The following ZNF197 variants were observed in gnomAD, a reference collection of about 807,000 sequenced individuals.
ZNF197 encodes VHL-associated KRAB-A domain-containing protein.
Under a neutral mutation model 27.4 loss-of-function variants are expected in ZNF197, and 14 were observed. That is an observed-to-expected ratio of 0.51 (90% CI 0.34 to 0.80). The LOEUF (loss-of-function observed/expected upper bound fraction) is 0.80, where lower values mean the gene tolerates loss of function less well. Ranked by LOEUF, ZNF197 falls within the 30% of genes least tolerant of loss-of-function variation. The pLI, the probability that ZNF197 is intolerant of heterozygous loss-of-function variation, is 0.02. For synonymous variants in ZNF197, 415 were observed against 420.0 expected (o/e 0.99, Z 0.15); for missense variants, 1,090 against 1,222.6 (o/e 0.89, Z 1.62).
Position 44,647,239 on chromosome 3 carries a change from G to A in ZNF197, c.*3019G>A. Reference sequence around the variant, plus strand: ...GATGTTCAACATCATTAGGCATGAGGGAAATGCAGAGTAAAATCGTGAGAT... The same window carrying A: ...GATGTTCAACATCATTAGGCATGAGAGAAATGCAGAGTAAAATCGTGAGAT... On this transcript the variant is annotated 3_prime_UTR_variant, in exon 6 of 6. Transcript: ENST00000344387. The A allele has an allele frequency of 6.6e-6, 1 of 151,572 alleles. No homozygotes were observed. The highest frequency in any genetic ancestry group is 6.6e-5 in the Admixed American group (1 of 15,202). 9.4% of individuals were successfully genotyped at this position (151,572 alleles called of 1,614,324 possible).
At position 44,645,836 on chromosome 3, in the gene ZNF197, G is replaced by A. The variant is rs541777694; in HGVS notation, c.*1616G>A. 10 of 985,420 alleles carry A rather than the reference G, an allele frequency of 1.0e-5. No homozygotes were observed. In the African/African-American group the frequency reaches 1.6e-4, roughly 15 times the overall value. 61.0% of individuals were successfully genotyped at this position (985,420 alleles called of 1,614,324 possible). ...CAGAATCCACTTGTGGGCAGTCAGT[G>A]CCCATTACCCCCTGTGAACCATTCT... On this transcript the variant is annotated 3_prime_UTR_variant, in exon 6 of 6. Coordinates refer to ENST00000344387, the MANE Select transcript of ZNF197 (RefSeq NM_006991.5).
At chr3:44,630,673 A>ATAAGTAGAT (rs994059720) in intron 2 of ZNF197, 3 of 355,330 alleles carry the variant, frequency 8.4e-6, no homozygotes, top group Non-Finnish European at 1.7e-5. Context: ...ACAAAGGGCT[A>ATAAGTAGAT]GGTAAAGGGG....
chr3:44,631,014 C>G (rs1559463634), intron 2 of ZNF197, 48 bp from the exon 3 acceptor site: 7 of 1,612,670 alleles, frequency 4.3e-6, no homozygotes, highest in Non-Finnish European at 5.9e-6. Context: ...TAGGTGAGTC[C>G]ATTTTCTTAA....
At chr3:44,636,253 C>T (rs988532506) in intron 5 of ZNF197, among the ~76,000 whole-genome samples, 4 of 148,008 alleles carry the variant, frequency 2.7e-5, no homozygotes, top group African/African-American at 1.0e-4. Flanking sequence ...TGCAGTGAGC[C>T]GAGATTGTGC....
At chr3:44,636,987 T>C (rs1702331128) in intron 5 of ZNF197, among the ~76,000 whole-genome samples, 1 of 152,220 alleles carries the variant, frequency 6.6e-6, no homozygotes, top group African/African-American at 2.4e-5. Context: ...ATGTTCTTAT[T>C]GACTATATGT....
rs1414187916 is a variant in ZNF197, at chr3:44,642,957, C to T, written c.1827C>T (p.Phe609=). The part of the protein sequence containing the change: ...CGKIFSSKSN[F]IDHKRMHSRE... ...AGATTTTCAGTTCTAAGTCAAACTT[C>T]ATTGACCATAAGAGGATGCACAGCA... The change falls in exon 6 of 6, where the codon TTC becomes TTT. Residue 609 remains phenylalanine, a synonymous_variant. Transcript: ENST00000344387. 2.5e-6 allele frequency: 4 copies of T among 1,613,872 alleles called. No individual in the cohort carries two copies. The highest frequency in any genetic ancestry group is 3.4e-6 in the Non-Finnish European group (4 of 1,179,964).
At chr3:44,631,707 GT>G (rs557334335) in intron 3 of ZNF197, among the ~76,000 whole-genome samples, 81 of 133,340 alleles carry the variant, frequency 6.1e-4, no homozygotes, top group East Asian at 3.0e-3. Flanking sequence ...GGCCATTTTT[GT>G]TTTTTTTTTT....
chr3:44,629,708 TAGAATATGTCTGTAGAG>T (rs1701873563), intron 2 of ZNF197, among the ~76,000 whole-genome samples, 164 bp downstream of exon 2: 1 of 152,216 alleles, frequency 6.6e-6, no homozygotes, highest in Non-Finnish European at 1.5e-5. Context: ...ATTCAGACCA[TAGAATATGTCTGTAGAG>T]AAACGGATTT....
chr3:44,646,395 T>C lies in ZNF197; in HGVS notation c.*2175T>C, dbSNP rs145556829. On this transcript the variant is annotated 3_prime_UTR_variant, in exon 6 of 6. Coordinates refer to ENST00000344387, the MANE Select transcript of ZNF197 (RefSeq NM_006991.5). ...GTAACAAAATGTCACATTGCTTAGATTGAGACAGCCCACATAATGTGCCAC... is the reference window on the plus strand; with the variant it reads ...GTAACAAAATGTCACATTGCTTAGACTGAGACAGCCCACATAATGTGCCAC... The C allele has an allele frequency of 2.6e-5, 41 of 1,595,896 alleles. No homozygotes were observed. In the South Asian group the frequency reaches 3.3e-4, roughly 13 times the overall value.
At chr3:44,626,038 G>GT (rs139499558) in intron 1 of ZNF197, among the ~76,000 whole-genome samples, 3 of 151,642 alleles carry the variant, frequency 2.0e-5, no homozygotes, top group East Asian at 1.9e-4. Context: ...TGATCCTTTT[G>GT]TTTTTTTTAA....
intron 3 of ZNF197, among the ~76,000 whole-genome samples, chr3:44,631,647 C>T (rs917355157): frequency 5.3e-5 from 8 of 151,062 alleles, no homozygotes; most frequent in South Asian, 4.2e-4. Context: ...GTGATCTGCC[C>T]GCCTTGGCCT....
chr3:44,627,676 C>G (rs1324356743), intron 1 of ZNF197, among the ~76,000 whole-genome samples: 1 of 151,716 alleles, frequency 6.6e-6, no homozygotes, highest in Non-Finnish European at 1.5e-5. Context: ...ACCAAAAATA[C>G]AAAAATTACC....
rs933260303 is a variant in ZNF197 at position 44,645,185 on chromosome 3, T to G, written c.*965T>G. 3.1e-6 allele frequency: 3 copies of G among 965,230 alleles called. No individual in the cohort carries two copies. Among genetic ancestry groups the G allele is most frequent in the South Asian group, 4.8e-5 (1 of 20,868 alleles). 59.8% of individuals were successfully genotyped at this position (965,230 alleles called of 1,614,324 possible). A position where few individuals can be genotyped will look rare whatever the true frequency, so the allele number is the denominator to read the frequency against. On this transcript the variant is annotated 3_prime_UTR_variant, in exon 6 of 6. Coordinates refer to ENST00000344387, the MANE Select transcript of ZNF197 (RefSeq NM_006991.5). The stretch of plus-strand genomic sequence containing the variant: ...TGACATGATACCTACCTCACAGGGT[T>G]GTTGTGAGGGTTAAGTGAAAGGATC...
rs1299985792 is a variant in ZNF197 at position 44,631,757 on chromosome 3, A to G, written c.551-348A>G. Among the ~76,000 whole-genome samples, 10 of 143,234 alleles carry G rather than the reference A, an allele frequency of 7.0e-5. No individual in the cohort carries two copies. In the East Asian group the frequency reaches 1.3e-3, roughly 18 times the overall value. The allele number at this position is 143,234 out of a possible 152,430, so 94.0% of individuals were successfully genotyped here. On this transcript the variant is annotated intron_variant, in intron 3 of 5. Coordinates refer to ENST00000344387, the MANE Select transcript of ZNF197 (RefSeq NM_006991.5). The stretch of plus-strand genomic sequence containing the variant: ...CGCTCTGTTGCCAGGCTGGAGTGCA[A>G]TGGCACAATCTCGGCTCACTGCAAC...
rs375013805 is a variant in ZNF197 at position 44,643,568 on chromosome 3, C to T, written c.2438C>T (p.Thr813Met). The change falls in exon 6 of 6, where the codon ACG becomes ATG. Residue 813 changes from threonine (T) to methionine (M), a missense_variant. Thr to Met is a moderately conservative substitution (Grantham distance 81, BLOSUM62 -1). Coordinates refer to ENST00000344387, the MANE Select transcript of ZNF197 (RefSeq NM_006991.5). ...CTCATTGGACATCAGAGAATTCACA[C>T]GAGGGAAAAATCTTATAAATGCAAT... ...KSLIGHQRIH[T>M]REKSYKCNDC... is the part of the protein sequence containing the mutation. 9.3e-6 allele frequency: 15 copies of T among 1,613,984 alleles called. No homozygotes were observed. Among genetic ancestry groups the T allele is most frequent in the Admixed American group, 5.0e-5 (3 of 59,996 alleles).
intron 2 of ZNF197, among the ~76,000 whole-genome samples, chr3:44,630,625 T>C (rs1241614708): frequency 6.6e-6 from 1 of 152,208 alleles, no homozygotes; most frequent in Non-Finnish European, 1.5e-5. Context: ...CAAAACCAAG[T>C]GTCTTGGTGC....
intron 3 of ZNF197, 84 bp downstream of exon 3, chr3:44,631,305 C>T: frequency 6.5e-7 from 1 of 1,537,634 alleles, no homozygotes; most frequent in Non-Finnish European, 8.9e-7. Context: ...GTTGCTTCCT[C>T]TGCTACCCTG....
chr3:44,639,640 A>G (rs1702489050), intron 5 of ZNF197, among the ~76,000 whole-genome samples: 1 of 151,836 alleles, frequency 6.6e-6, no homozygotes, highest in Non-Finnish European at 1.5e-5. Flanking sequence ...AGTATCATTT[A>G]TACTCCTTTT....
At chr3:44,630,702 A>G (rs982213948) in intron 2 of ZNF197, 1 of 379,816 alleles carries the variant, frequency 2.6e-6, no homozygotes, top group Non-Finnish European at 5.2e-6. Flanking sequence ...TAGATGGTAA[A>G]TAAGTAGAAG....
Sources: allele counts gnomAD v4.1 joint callset (sites outside exome capture counted in the v4.1 genomes callset), GRCh38; gene constraint gnomAD v4.1.1; transcripts MANE v1.5; gene names NCBI Gene and HGNC (gene_info 2026-07-23, HGNC 2026-07-21).